Variants in RSPO2 observed in about 807,000 individuals in gnomAD.
RSPO2 encodes the protein R-spondin-2.
In RSPO2, 14 loss-of-function variants were observed where a neutral mutation model predicts 30.9. The observed-to-expected ratio is 0.45, with a 90% CI of 0.30 to 0.71. The LOEUF (loss-of-function observed/expected upper bound fraction) is 0.71, where lower values mean the gene tolerates loss of function less well. Among genes scored for constraint, RSPO2 ranks in the 30% least tolerant of loss-of-function variants. RSPO2 has a pLI of 0.08. For missense variants in RSPO2, 264 were observed against 301.9 expected (o/e 0.87, Z 0.93); for synonymous variants, 107 against 96.4 (o/e 1.11, Z -0.64).
intron 5 of RSPO2, among the ~76,000 whole-genome samples, chr8:107,953,147 A>G (rs909332222): frequency 6.6e-6 from 1 of 152,188 alleles, no homozygotes; most frequent in Non-Finnish European, 1.5e-5. Flanking sequence ...TGTCAGAAGG[A>G]AAAAAACATG....
intron 2 of RSPO2, among the ~76,000 whole-genome samples, chr8:108,002,520 A>G (rs566801764): frequency 6.6e-6 from 1 of 152,316 alleles, no homozygotes; most frequent in African/African-American, 2.4e-5. Flanking sequence ...AAAGAGGGGT[A>G]GGATGGACTC....
At chr8:108,064,099 C>A in intron 2 of RSPO2, among the ~76,000 whole-genome samples, 1 of 152,088 alleles carries the variant, frequency 6.6e-6, no homozygotes, top group East Asian at 1.9e-4. Flanking sequence ...TAGGCAATAC[C>A]ATTCAGGACA....
intron 5 of RSPO2, among the ~76,000 whole-genome samples, chr8:107,948,961 C>A (rs563637922): frequency 6.9e-6 from 1 of 143,918 alleles, no homozygotes; most frequent in Non-Finnish European, 1.5e-5. Flanking sequence ...AATAGGTCTG[C>A]ACCTTTTTTT....
intron 2 of RSPO2, among the ~76,000 whole-genome samples, chr8:107,998,874 CCT>C (rs768421383): frequency 6.6e-6 from 1 of 151,928 alleles, no homozygotes; most frequent in Non-Finnish European, 1.5e-5. Flanking sequence ...ATGGTGAAAC[CCT>C]GTCTCTACTA....
chr8:108,080,299 C>A (rs1287788784), intron 2 of RSPO2, among the ~76,000 whole-genome samples: 1 of 151,968 alleles, frequency 6.6e-6, no homozygotes, highest in East Asian at 1.9e-4. Context: ...TTATTTTAGC[C>A]AGAAACTTGG....
intron 2 of RSPO2, among the ~76,000 whole-genome samples, chr8:108,019,709 C>CA (rs1320754508): frequency 5.5e-4 from 84 of 152,276 alleles, no homozygotes; most frequent in African/African-American, 1.8e-3. Context: ...GAACACTAGT[C>CA]AGTCTTAGAA....
intron 5 of RSPO2, among the ~76,000 whole-genome samples, chr8:107,956,530 T>C (rs1328821335): frequency 6.6e-6 from 1 of 152,222 alleles, no homozygotes; most frequent in Non-Finnish European, 1.5e-5. Flanking sequence ...AATATTATGG[T>C]TAACAATCTA....
intron 3 of RSPO2, among the ~76,000 whole-genome samples, chr8:107,964,160 A>G (rs1340744569): frequency 6.6e-6 from 1 of 152,240 alleles, no homozygotes; most frequent in Admixed American, 6.5e-5. Flanking sequence ...TGGCCCATGC[A>G]TTCAGCAGCC....
At chr8:107,965,245 T>G (rs1218714530) in intron 3 of RSPO2, among the ~76,000 whole-genome samples, 1 of 152,144 alleles carries the variant, frequency 6.6e-6, no homozygotes, top group Non-Finnish European at 1.5e-5. Context: ...ACTGCCAATA[T>G]TGGTTTAAGT....
intron 2 of RSPO2, among the ~76,000 whole-genome samples, chr8:108,012,657 A>G (rs1810747959): frequency 6.6e-6 from 1 of 152,210 alleles, no homozygotes; most frequent in Admixed American, 6.5e-5. Flanking sequence ...AAATTCCAAA[A>G]GTAGGGGCTC....
intron 2 of RSPO2, chr8:107,989,453 G>A: frequency 2.0e-6 from 1 of 496,958 alleles, no homozygotes; most frequent in Non-Finnish European, 3.5e-6. Context: ...AGGAAACTCA[G>A]AGGCAGAGTT....
At chr8:108,009,139 T>C (rs1269357405) in intron 2 of RSPO2, among the ~76,000 whole-genome samples, 1 of 152,186 alleles carries the variant, frequency 6.6e-6, no homozygotes, top group Non-Finnish European at 1.5e-5. Flanking sequence ...TAACATCTTA[T>C]ATGCTGCTGG....
chr8:108,082,904 G>A (rs983547433), intron 1 of RSPO2, 97 bp from the exon 2 acceptor site: 10 of 464,680 alleles, frequency 2.2e-5, no homozygotes, highest in South Asian at 3.6e-5. Context: ...AGAAGAGAGG[G>A]AAGGAGGAAG....
Position 107,992,174 on chromosome 8 carries a change from T to TACACACACACACACACACACAC in RSPO2, c.95-2952_95-2931dup, listed in dbSNP as rs35054419. Among the ~76,000 whole-genome samples the TACACACACACACACACACACAC allele has an allele frequency of 3.5e-4, 50 of 142,066 alleles. 1 individual carries two copies. Among genetic ancestry groups the TACACACACACACACACACACAC allele is most frequent in the East Asian group, 1.0e-3 (5 of 4,846 alleles). The allele number at this position is 142,066 out of a possible 152,430, so 93.2% of individuals were successfully genotyped here. A position where few individuals can be genotyped will look rare whatever the true frequency, so the allele number is the denominator to read the frequency against. On this transcript the variant is annotated intron_variant, in intron 2 of 5. Coordinates refer to ENST00000276659, the MANE Select transcript of RSPO2 (RefSeq NM_178565.5). The stretch of plus-strand genomic sequence containing the variant: ...AACTGACTGGATAAAGAAAATGTGA[T>TACACACACACACACACACACAC]ACACACACACACACACACACACACA...
chr8:107,947,960 G>A (rs1813119071), intron 5 of RSPO2, among the ~76,000 whole-genome samples: 1 of 152,160 alleles, frequency 6.6e-6, no homozygotes, highest in Non-Finnish European at 1.5e-5. Flanking sequence ...ACAGTGTTCT[G>A]TCTAAAATGA....
intron 3 of RSPO2, among the ~76,000 whole-genome samples, chr8:107,988,490 C>T (rs1355636330): frequency 1.3e-5 from 2 of 151,374 alleles, no homozygotes; most frequent in Non-Finnish European, 2.9e-5. Context: ...CAAGATTGTA[C>T]TTGAGATCGT....
At chr8:108,055,775 G>A (rs912135690) in intron 2 of RSPO2, among the ~76,000 whole-genome samples, 4 of 152,042 alleles carry the variant, frequency 2.6e-5, no homozygotes, top group Admixed American at 6.6e-5. Flanking sequence ...AACAGGAACA[G>A]GCCAACAAGA....
chr8:108,054,259 C>T (rs1812167703), intron 2 of RSPO2, among the ~76,000 whole-genome samples: 1 of 152,108 alleles, frequency 6.6e-6, no homozygotes, highest in Non-Finnish European at 1.5e-5. Context: ...CACAAAACTT[C>T]CTTTCTTGCT....
At position 108,040,427 on chromosome 8, in the gene RSPO2, C is replaced by T. The variant is rs539882302; in HGVS notation, c.94+42118G>A. On this transcript the variant is annotated intron_variant, in intron 2 of 5. Coordinates refer to ENST00000276659, the MANE Select transcript of RSPO2 (RefSeq NM_178565.5). Reference sequence around the variant, plus strand: ...CTTTAGACAAGAAAAAAAACATGAACGCAAAAGGTACAGGGGGAAAAAACC... The same window carrying T: ...CTTTAGACAAGAAAAAAAACATGAATGCAAAAGGTACAGGGGGAAAAAACC... 7.9e-5 allele frequency among the ~76,000 whole-genome samples: 12 copies of T among 151,972 alleles called. No homozygotes were observed. The East Asian group carries it at 1.9e-3, about 24-fold the overall frequency.
Sources: allele counts gnomAD v4.1 joint callset (sites outside exome capture counted in the v4.1 genomes callset), GRCh38; gene constraint gnomAD v4.1.1; transcripts MANE v1.5; gene names NCBI Gene and HGNC (gene_info 2026-07-23, HGNC 2026-07-21).